PIEZO2: variants seen among roughly 807,000 people sequenced by gnomAD.
PIEZO2 encodes piezo type mechanosensitive ion channel component 2.
A neutral mutation model predicts 337.3 loss-of-function variants in PIEZO2; 172 were observed. The observed-to-expected ratio is 0.51, with a 90% confidence interval of 0.45 to 0.58. The LOEUF (loss-of-function observed/expected upper bound fraction) is 0.58. PIEZO2 is among the 20% of genes least tolerant of loss of function. The probability of loss-of-function intolerance (pLI) is 0.00; values close to 1 mark genes in which losing one functional copy is unlikely to be tolerated. For missense variants in PIEZO2, 3,028 were observed against 3,391.3 expected, an observed-to-expected ratio of 0.89 and a Z score of 2.66; for synonymous variants, 1,251 against 1,228.5, an observed-to-expected ratio of 1.02 and a Z score of -0.38.
In PIEZO2 at chr18:10,770,368, C is replaced by T. The variant is rs192782512; in HGVS notation, c.2786-60G>A. 3.9e-5 allele frequency: 57 copies of T among 1,443,902 alleles called. No homozygotes were observed. The Admixed American group carries it at 1.3e-3, about 34-fold the overall frequency. The allele number at this position is 1,443,902 out of a possible 1,614,324, so 89.4% of individuals were successfully genotyped here. A position where few individuals can be genotyped will look rare whatever the true frequency, so the allele number is the denominator to read the frequency against. On this transcript the variant is annotated intron_variant, in intron 20 of 55. Coordinates refer to ENST00000674853, the MANE Select transcript of PIEZO2 (RefSeq NM_001378183.1). ...TTTTTAAAAATATTATCATTTAAAG[C>T]ATATCTTGTAACTTTCAGGTTGGAA...
rs57885955 is a variant in PIEZO2, at chr18:11,143,600, AACACACACAC to A, written c.64+4915_64+4924del. ...AAAATCCTGAGAACTAAAAATCTCT[AACACACACAC>A]ACACACACACACACACACACACACA... On this transcript the variant is annotated intron_variant, in intron 1 of 55. Coordinates refer to ENST00000674853, the MANE Select transcript of PIEZO2 (RefSeq NM_001378183.1). The surrounding 1 kb of genome is among the most constrained non-coding windows in gnomAD (Gnocchi z 4.9). Among the ~76,000 whole-genome samples the A allele has an allele frequency of 0.049, 5,246 of 106,406 alleles. 168 individuals carry two copies. The highest frequency in any genetic ancestry group is 0.15 in the East Asian group (534 of 3,626). 69.8% of individuals were successfully genotyped at this position (106,406 alleles called of 152,430 possible).
At position 11,077,299 on chromosome 18, in the gene PIEZO2, G is replaced by A. The variant is rs561630337; in HGVS notation, c.65-11077C>T. 2.2e-3 allele frequency among the ~76,000 whole-genome samples: 337 copies of A among 152,298 alleles called. No homozygotes were observed. The highest frequency in any genetic ancestry group is 3.5e-3 in the Non-Finnish European group (236 of 68,018). ...TAGTGGCTTTGTCATCTATGGAAGT[G>A]AAGAGTTAGCATTTGTAGACTGGAG... On this transcript the variant is annotated intron_variant, in intron 1 of 55. Transcript: ENST00000674853. This position sits in a 1 kb window ranked among gnomAD's most constrained non-coding sequence, Gnocchi z 4.8.
At position 10,929,187 on chromosome 18, in the gene PIEZO2, T is replaced by G. The variant is rs2031939269; in HGVS notation, c.287-17959A>C. Among the ~76,000 whole-genome samples the G allele has an allele frequency of 6.6e-6, 1 of 152,164 alleles. No homozygotes were observed. Among genetic ancestry groups the G allele is most frequent in the Admixed American group, 6.5e-5 (1 of 15,278 alleles). ...TGAATTAGAGCCATAGAAAACACTC[T>G]TGTTTATGTGATGAGCTGGAGCACC... is the stretch of plus-strand genomic sequence containing the variant. On this transcript the variant is annotated intron_variant, in intron 3 of 55. Coordinates refer to ENST00000674853, the MANE Select transcript of PIEZO2 (RefSeq NM_001378183.1). This position sits in a 1 kb window ranked among gnomAD's most constrained non-coding sequence, Gnocchi z 5.6.
At position 10,707,598 on chromosome 18, in the gene PIEZO2, A is replaced by T. The variant is rs2035637669; in HGVS notation, c.5588+677T>A. On this transcript the variant is annotated intron_variant, in intron 40 of 55. Coordinates refer to ENST00000674853, the MANE Select transcript of PIEZO2 (RefSeq NM_001378183.1). This position sits in a 1 kb window ranked among gnomAD's most constrained non-coding sequence, Gnocchi z 4.2. ...CACCATCCTAAGGCAATTCAAAAAG[A>T]GTTTTCGGGTTGTATGCAAATAATT... is the stretch of plus-strand genomic sequence containing the variant. Among the ~76,000 whole-genome samples the T allele has an allele frequency of 6.6e-6, 1 of 152,180 alleles. No homozygotes were observed. The highest frequency in any genetic ancestry group is 2.4e-5 in the African/African-American group (1 of 41,442).
chr18:10,882,130 C>G (rs1337289365), intron 4 of PIEZO2, among the ~76,000 whole-genome samples: 1 of 152,192 alleles, frequency 6.6e-6, no homozygotes, highest in South Asian at 2.1e-4. Context: ...AGTATCCACT[C>G]GTCTCTCATC....
intron 3 of PIEZO2, among the ~76,000 whole-genome samples, chr18:10,934,088 C>T (rs2032238816): frequency 6.6e-6 from 1 of 152,192 alleles, no homozygotes; most frequent in African/African-American, 2.4e-5. Flanking sequence ...TGGCATGATG[C>T]CGCTATTTTT....
At chr18:10,956,157 T>C (rs1393593305) in intron 3 of PIEZO2, among the ~76,000 whole-genome samples, 1 of 152,192 alleles carries the variant, frequency 6.6e-6, no homozygotes, top group Non-Finnish European at 1.5e-5. Flanking sequence ...TCCATGATTT[T>C]CAAAAAATGT....
Position 11,031,993 on chromosome 18 carries a change from A to G in PIEZO2, c.160+34134T>C, listed in dbSNP as rs2145766588. Among the ~76,000 whole-genome samples the G allele has an allele frequency of 6.6e-6, 1 of 152,148 alleles. No individual in the cohort carries two copies. On this transcript the variant is annotated intron_variant, in intron 2 of 55. Coordinates refer to ENST00000674853, the MANE Select transcript of PIEZO2 (RefSeq NM_001378183.1). The surrounding 1 kb of genome is among the most constrained non-coding windows in gnomAD (Gnocchi z 4.7). ...CTCTCTGTCTCTCTCTCACACACATACGCATACACACAGATATTTACTGCT... is the reference window on the plus strand; with the variant it reads ...CTCTCTGTCTCTCTCTCACACACATGCGCATACACACAGATATTTACTGCT...
intron 2 of PIEZO2, among the ~76,000 whole-genome samples, chr18:11,015,009 G>GC (rs2036061965): frequency 7.0e-6 from 1 of 142,532 alleles, no homozygotes. Flanking sequence ...TCAGTGTGGG[G>GC]AAGATGTCAC....
In PIEZO2 at chr18:10,824,986, C is replaced by T. The variant is rs566046329; in HGVS notation, c.918-17712G>A. 1.3e-5 allele frequency among the ~76,000 whole-genome samples: 2 copies of T among 152,244 alleles called. No individual in the cohort carries two copies. Among genetic ancestry groups the T allele is most frequent in the Middle Eastern group, 3.4e-3 (1 of 294 alleles). Reference sequence around the variant, plus strand: ...CCAAGTGATTCTCCTGCCTCAGCCTCCCGAGTAGCTGGGACTACAGGAACC... The same window carrying T: ...CCAAGTGATTCTCCTGCCTCAGCCTTCCGAGTAGCTGGGACTACAGGAACC... On this transcript the variant is annotated intron_variant, in intron 7 of 55. Coordinates refer to ENST00000674853, the MANE Select transcript of PIEZO2 (RefSeq NM_001378183.1). The surrounding 1 kb of genome is among the most constrained non-coding windows in gnomAD (Gnocchi z 4.4).
rs376694140 is a variant in PIEZO2, at chr18:11,125,816, A to G, written c.64+22709T>C. ...TCCCTGCCAGCATTGGCTTTCATCAATTTGATTGTATGAAGTGGCTGAGTG... is the reference window on the plus strand; with the variant it reads ...TCCCTGCCAGCATTGGCTTTCATCAGTTTGATTGTATGAAGTGGCTGAGTG... On this transcript the variant is annotated intron_variant, in intron 1 of 55. Transcript: ENST00000674853. This position sits in a 1 kb window ranked among gnomAD's most constrained non-coding sequence, Gnocchi z 4.4. 4.6e-5 allele frequency among the ~76,000 whole-genome samples: 7 copies of G among 152,150 alleles called. No homozygotes were observed. Among genetic ancestry groups the G allele is most frequent in the South Asian group, 2.1e-4 (1 of 4,816 alleles).
intron 2 of PIEZO2, among the ~76,000 whole-genome samples, chr18:11,059,825 A>T (rs1598897614): frequency 6.6e-6 from 1 of 152,298 alleles, no homozygotes; most frequent in African/African-American, 2.4e-5. Flanking sequence ...TTAACACCCC[A>T]CTGTCAACAT....
Position 10,979,688 on chromosome 18 carries a change from G to C in PIEZO2, c.161-28C>G, listed in dbSNP as rs1238985468. Reference sequence around the variant, plus strand: ...AAGGGATAAAAAGTGCAGAGATTGTGAGAGAGCTTAAGATGAAACACACTG... The same window carrying C: ...AAGGGATAAAAAGTGCAGAGATTGTCAGAGAGCTTAAGATGAAACACACTG... On this transcript the variant is annotated intron_variant, in intron 2 of 55. Transcript: ENST00000674853. This position sits in a 1 kb window ranked among gnomAD's most constrained non-coding sequence, Gnocchi z 4.0. The C allele has an allele frequency of 1.3e-6, 2 of 1,511,288 alleles. No homozygotes were observed. The highest frequency in any genetic ancestry group is 1.8e-6 in the Non-Finnish European group (2 of 1,129,940). 93.6% of individuals were successfully genotyped at this position (1,511,288 alleles called of 1,614,324 possible).
chr18:10,741,917 G>A (rs752524168), intron 32 of PIEZO2, among the ~76,000 whole-genome samples: 1 of 152,142 alleles, frequency 6.6e-6, no homozygotes, highest in Non-Finnish European at 1.5e-5. Flanking sequence ...ACTTTGGGAG[G>A]CCGAGGTGGG....
At chr18:10,694,279 C>T (rs1353745149) in intron 47 of PIEZO2, among the ~76,000 whole-genome samples, 1 of 152,124 alleles carries the variant, frequency 6.6e-6, no homozygotes, top group Non-Finnish European at 1.5e-5. Flanking sequence ...ACAAAAGCAG[C>T]CATTAGGCTC....
intron 2 of PIEZO2, among the ~76,000 whole-genome samples, chr18:11,034,572 C>A (rs1441765586): frequency 6.6e-6 from 1 of 152,162 alleles, no homozygotes; most frequent in Non-Finnish European, 1.5e-5. Context: ...GGATTACAGG[C>A]GTGAGCCACG....
At position 10,784,824 on chromosome 18, in the gene PIEZO2, G is replaced by A. The variant is rs927599746; in HGVS notation, c.2452C>T (p.Leu818Phe). 2 of 1,537,648 alleles carry A rather than the reference G, an allele frequency of 1.3e-6. No homozygotes were observed. Among genetic ancestry groups the A allele is most frequent in the Non-Finnish European group, 1.7e-6 (2 of 1,146,944 alleles). The change falls in exon 17 of 56, where the codon CTC becomes TTC. Residue 818 changes from leucine (L) to phenylalanine (F), a missense_variant. By Grantham distance (22) the Leu-to-Phe change is conservative. Transcript: ENST00000674853. The surrounding 1 kb of genome is among the most constrained non-coding windows in gnomAD (Gnocchi z 4.5). ...FHDRFLELTD[L>F]KSIPSKEDNT... is the part of the protein sequence containing the mutation. Reference sequence around the variant, plus strand: ...TCTTCTTTGCTGGGAATGGACTTGAGGTCTGTGAGTTCAAGGAACCGGTCA... The same window carrying A: ...TCTTCTTTGCTGGGAATGGACTTGAAGTCTGTGAGTTCAAGGAACCGGTCA...
chr18:10,700,088 A>C (rs1021790329), intron 43 of PIEZO2, among the ~76,000 whole-genome samples: 1 of 151,988 alleles, frequency 6.6e-6, no homozygotes. Context: ...CAAACATTTT[A>C]GCTTTTCGTA....
At chr18:10,970,376 C>T (rs1254132949) in intron 3 of PIEZO2, among the ~76,000 whole-genome samples, 3 of 152,314 alleles carry the variant, frequency 2.0e-5, no homozygotes, top group Admixed American at 6.5e-5. Context: ...GCTCTTCGCC[C>T]GTCTAGATGA....
Sources: allele counts gnomAD v4.1 joint callset (sites outside exome capture counted in the v4.1 genomes callset), GRCh38; gene constraint gnomAD v4.1.1; non-coding constraint Gnocchi (gnomAD v3.1); transcripts MANE v1.5; gene names NCBI Gene and HGNC (gene_info 2026-07-23, HGNC 2026-07-21).